SOCS2: variants seen among roughly 807,000 people sequenced by gnomAD.
SOCS2 encodes the protein suppressor of cytokine signaling 2, also known as CIS-2.
In SOCS2, 10 loss-of-function variants were observed where a neutral mutation model predicts 18.6. The ratio of observed to expected loss-of-function variants is 0.54; its 90% CI spans 0.33 to 0.91. SOCS2 has a LOEUF of 0.91. SOCS2 is among the 40% of genes least tolerant of loss of function. The pLI is 0.02. For synonymous variants in SOCS2, 104 were observed against 104.0 expected, an observed-to-expected ratio of 1.00 and a Z score of 0.00; for missense variants, 231 against 247.2, an observed-to-expected ratio of 0.93 and a Z score of 0.44.
the SOCS2 span, among the ~76,000 whole-genome samples, chr12:93,606,806 C>A: frequency 1.3e-5 from 2 of 152,116 alleles, no homozygotes; most frequent in Non-Finnish European, 2.9e-5. Flanking sequence ...GTGCCCACCA[C>A]CACACCCAGC....
upstream of SOCS2, chr12:93,572,184 C>T (rs1036970141): frequency 1.8e-5 from 3 of 170,104 alleles, no homozygotes; most frequent in African/African-American, 7.2e-5. The surrounding 1 kb of genome is among the most constrained non-coding windows in gnomAD (Gnocchi z 5.0). Context: ...CTCCGCACCC[C>T]GGGTTGGTGC....
the SOCS2 span, among the ~76,000 whole-genome samples, chr12:93,594,226 T>G: frequency 1.3e-5 from 2 of 152,196 alleles, no homozygotes; most frequent in African/African-American, 4.8e-5. Flanking sequence ...AGACAATGAA[T>G]TCAAGTTAAT....
chr12:93,619,491 A>G, the SOCS2 span, among the ~76,000 whole-genome samples: 15 of 152,348 alleles, frequency 9.8e-5, no homozygotes, highest in Admixed American at 5.2e-4. Flanking sequence ...AATGAACAAC[A>G]AAGAAAGCTG....
chr12:93,618,617 G>T, the SOCS2 span, among the ~76,000 whole-genome samples: 68 of 152,216 alleles, frequency 4.5e-4, no homozygotes, highest in African/African-American at 1.6e-3. Context: ...TGCCTCTACT[G>T]CCTAAAATAG....
the SOCS2 span, among the ~76,000 whole-genome samples, chr12:93,616,828 G>A: frequency 6.6e-6 from 1 of 152,210 alleles, no homozygotes; most frequent in African/African-American, 2.4e-5. Context: ...TGGCGGGCAG[G>A]AGATGGGGAA....
chr12:93,584,221 G>T (rs1447140979), downstream of SOCS2, among the ~76,000 whole-genome samples: 1 of 152,222 alleles, frequency 6.6e-6, no homozygotes, highest in East Asian at 1.9e-4. Context: ...GATTACAGTA[G>T]AGGGAACTTA....
the SOCS2 span, among the ~76,000 whole-genome samples, chr12:93,611,864 A>ATT: frequency 6.7e-6 from 1 of 150,002 alleles, no homozygotes; most frequent in African/African-American, 2.5e-5. Context: ...GTTTATATTG[A>ATT]TTTTTTTTTT....
chr12:93,613,849 C>A, the SOCS2 span, among the ~76,000 whole-genome samples: 1 of 152,096 alleles, frequency 6.6e-6, no homozygotes, highest in Non-Finnish European at 1.5e-5. Context: ...CCACTTTGTA[C>A]CCCATCAACA....
the SOCS2 span, among the ~76,000 whole-genome samples, chr12:93,609,626 C>T: frequency 6.6e-6 from 1 of 151,738 alleles, no homozygotes. Flanking sequence ...TAAATAAGAT[C>T]AGAGATAAAA....
At chr12:93,614,786 T>C in the SOCS2 span, among the ~76,000 whole-genome samples, 1 of 150,880 alleles carries the variant, frequency 6.6e-6, no homozygotes, top group Non-Finnish European at 1.5e-5. Flanking sequence ...GGCAAATCTT[T>C]CTATTTTAGT....
At chr12:93,585,812 G>T (rs149758493), downstream of SOCS2, among the ~76,000 whole-genome samples, 3 of 151,926 alleles carry the variant, frequency 2.0e-5, no homozygotes, top group African/African-American at 4.8e-5. Flanking sequence ...CAGGACTCCC[G>T]CCCCTGCCCC....
At chr12:93,612,050 C>T in the SOCS2 span, among the ~76,000 whole-genome samples, 28 of 152,196 alleles carry the variant, frequency 1.8e-4, no homozygotes, top group Non-Finnish European at 3.7e-4. Context: ...CCATGTAGCT[C>T]CAGGGAATGT....
At chr12:93,597,139 C>A in the SOCS2 span, among the ~76,000 whole-genome samples, 1 of 152,128 alleles carries the variant, frequency 6.6e-6, no homozygotes, top group South Asian at 2.1e-4. Flanking sequence ...GAAAACTGAT[C>A]TTGGTATAAA....
chr12:93,592,917 CTTTTTT>C, the SOCS2 span, among the ~76,000 whole-genome samples: 1 of 107,382 alleles, frequency 9.3e-6, no homozygotes, highest in African/African-American at 3.6e-5. Context: ...ACTGAGAAAG[CTTTTTT>C]TTTTTTTTTT....
chr12:93,588,177 A>G (rs1014201894), downstream of SOCS2, among the ~76,000 whole-genome samples: 16 of 152,252 alleles, frequency 1.1e-4, no homozygotes, highest in African/African-American at 3.4e-4. Context: ...AACGGATCAC[A>G]GTAGAATTAA....
chr12:93,609,983 T>C, the SOCS2 span, among the ~76,000 whole-genome samples: 1 of 152,200 alleles, frequency 6.6e-6, no homozygotes, highest in African/African-American at 2.4e-5. Context: ...AAGTTGCTTT[T>C]AGAAGAAGCC....
the SOCS2 span, among the ~76,000 whole-genome samples, chr12:93,616,955 C>T: frequency 2.6e-3 from 401 of 152,314 alleles, 3 homozygotes; most frequent in African/African-American, 9.3e-3. Context: ...TTGTTAACCT[C>T]TCATGACTCA....
At chr12:93,585,390 C>T (rs1411767124), downstream of SOCS2, among the ~76,000 whole-genome samples, 1 of 152,174 alleles carries the variant, frequency 6.6e-6, no homozygotes, top group African/African-American at 2.4e-5. Context: ...CAGAGGATCT[C>T]TTAGTGGTGT....
At chr12:93,577,401 C>A (rs907724630), downstream of SOCS2, among the ~76,000 whole-genome samples, 2 of 152,144 alleles carry the variant, frequency 1.3e-5, no homozygotes, top group Admixed American at 6.5e-5. Flanking sequence ...GGTTCTCACT[C>A]AGCACTTGTA....
Sources: allele counts gnomAD v4.1 joint callset (sites outside exome capture counted in the v4.1 genomes callset), GRCh38; gene constraint gnomAD v4.1.1; non-coding constraint Gnocchi (gnomAD v3.1); transcripts MANE v1.5; gene names NCBI Gene and HGNC (gene_info 2026-07-23, HGNC 2026-07-21).